ROBO2: variants seen among roughly 807,000 people sequenced by gnomAD.
ROBO2 encodes roundabout guidance receptor 2.
In ROBO2, 53 loss-of-function variants were observed where a neutral mutation model predicts 160.8. The ratio of observed to expected loss-of-function variants is 0.33; its 90% CI spans 0.26 to 0.41. ROBO2 has a LOEUF of 0.41. Among genes scored for constraint, ROBO2 ranks in the 10% least tolerant of loss-of-function variants. The pLI, the probability that ROBO2 is intolerant of heterozygous loss-of-function variation, is 1.00. For missense variants in ROBO2, 1,577 were observed against 1,722.4 expected (o/e 0.92, Z 1.49); for synonymous variants, 664 against 611.7 (o/e 1.09, Z -1.26).
intron 2 of ROBO2, among the ~76,000 whole-genome samples, chr3:76,689,639 T>C (rs2092758084): frequency 6.6e-6 from 1 of 152,164 alleles, no homozygotes; most frequent in South Asian, 2.1e-4. Context: ...GAAACCTTAA[T>C]AAACAATGAT....
chr3:76,404,482 A>T (rs1033599740), intron 2 of ROBO2, among the ~76,000 whole-genome samples: 1 of 151,570 alleles, frequency 6.6e-6, no homozygotes, highest in Non-Finnish European at 1.5e-5. Context: ...AACTGAGATT[A>T]GAGTTAGGAG....
At chr3:77,188,352 C>T (rs556173391) in intron 2 of ROBO2, among the ~76,000 whole-genome samples, 1 of 151,682 alleles carries the variant, frequency 6.6e-6, no homozygotes, top group South Asian at 2.1e-4. Flanking sequence ...CTACCTTTAC[C>T]CTAGAGAGTT....
In ROBO2 at chr3:76,986,875, A is replaced by G. The variant is rs538949262; in HGVS notation, c.110-111139A>G. Among the ~76,000 whole-genome samples, 4 of 146,606 alleles carry G rather than the reference A, an allele frequency of 2.7e-5. No individual in the cohort carries two copies. The East Asian group carries it at 8.0e-4, about 29-fold the overall frequency. ...AATCGATAGGGAATATAATAAGTAA[A>G]CCCCTAGGCTGAGACAAGATACAAC... On this transcript the variant is annotated intron_variant, in intron 2 of 26. Coordinates refer to the ROBO2 transcript ENST00000487694.
chr3:77,412,361 T>C (rs2076873937), intron 2 of ROBO2, among the ~76,000 whole-genome samples: 1 of 152,200 alleles, frequency 6.6e-6, no homozygotes, highest in Non-Finnish European at 1.5e-5. Context: ...AGCCAGTATA[T>C]CTAAGTGTGG....
Position 76,829,675 on chromosome 3 carries a change from C to CTT in ROBO2, c.110-268330_110-268329dup, listed in dbSNP as rs200612394. ...CTTTTCTTTCTTTTTTTTTCTTTTTCTTTTTTTTTTGAGATAGAGTTTCAC... is the reference window on the plus strand; with the variant it reads ...CTTTTCTTTCTTTTTTTTTCTTTTTCTTTTTTTTTTTTGAGATAGAGTTTCAC... On this transcript the variant is annotated intron_variant, in intron 2 of 26. Coordinates refer to the ROBO2 transcript ENST00000487694. Among the ~76,000 whole-genome samples, 14 of 130,786 alleles carry CTT rather than the reference C, an allele frequency of 1.1e-4. No individual in the cohort carries two copies. The East Asian group carries it at 1.5e-3, about 14-fold the overall frequency. The allele number at this position is 130,786 out of a possible 152,430, so 85.8% of individuals were successfully genotyped here.
chr3:76,141,077 A>ATATATATATAT (rs1553656028), intron 2 of ROBO2, among the ~76,000 whole-genome samples: 38 of 105,878 alleles, frequency 3.6e-4, no homozygotes, highest in South Asian at 6.4e-4. Flanking sequence ...ATATATATAT[A>ATATATATATAT]AAATATATGT....
intron 2 of ROBO2, among the ~76,000 whole-genome samples, chr3:76,406,077 T>A (rs1321235339): frequency 6.6e-6 from 1 of 151,788 alleles, no homozygotes; most frequent in East Asian, 1.9e-4. Context: ...GAATTATATT[T>A]ATTACACAAT....
intron 1 of ROBO2, among the ~76,000 whole-genome samples, chr3:77,057,542 G>GA (rs1375358460): frequency 6.7e-6 from 1 of 150,206 alleles, no homozygotes; most frequent in African/African-American, 2.4e-5. Flanking sequence ...TACTAATGTG[G>GA]AAGCTATACC....
At chr3:77,596,076 A>G (rs1473906905) in intron 18 of ROBO2, among the ~76,000 whole-genome samples, 4 of 152,098 alleles carry the variant, frequency 2.6e-5, no homozygotes, top group Non-Finnish European at 2.9e-5. Context: ...AACCCTTAAT[A>G]TACCCCTGAT....
chr3:77,471,656 T>G (rs1046488167), intron 2 of ROBO2, among the ~76,000 whole-genome samples: 4 of 152,158 alleles, frequency 2.6e-5, no homozygotes, highest in Admixed American at 6.6e-5. Flanking sequence ...AATAGACATA[T>G]TAACAGGAGA....
chr3:77,097,707 C>T (rs766542054), intron 1 of ROBO2, among the ~76,000 whole-genome samples: 1 of 152,086 alleles, frequency 6.6e-6, no homozygotes, highest in Non-Finnish European at 1.5e-5. Context: ...ATTAGTCTTA[C>T]TCATCTTAGT....
chr3:76,026,432 C>T (rs1576536247), intron 2 of ROBO2, among the ~76,000 whole-genome samples: 3 of 151,904 alleles, frequency 2.0e-5, no homozygotes, highest in Admixed American at 6.6e-5. Flanking sequence ...TCTCTATATA[C>T]ACTTTTTCTT....
intron 2 of ROBO2, among the ~76,000 whole-genome samples, chr3:76,530,436 G>A (rs539391273): frequency 3.6e-4 from 55 of 152,210 alleles, no homozygotes; most frequent in African/African-American, 1.3e-3. Flanking sequence ...AATTGCTCCC[G>A]CATCTCCAGC....
At chr3:77,459,619 A>G (rs1339285318) in intron 2 of ROBO2, among the ~76,000 whole-genome samples, 2 of 152,204 alleles carry the variant, frequency 1.3e-5, no homozygotes, top group Admixed American at 6.6e-5. Flanking sequence ...GAGGAATATG[A>G]TATGTGTGAT....
At position 76,539,281 on chromosome 3, in the gene ROBO2, C is replaced by T. The variant is rs142720630; in HGVS notation, c.110-558733C>T. On this transcript the variant is annotated intron_variant, in intron 2 of 26. Coordinates refer to the ROBO2 transcript ENST00000487694. ...AACCTGGAGGACAGCTTGATAGGTGCAGCAAACCACCATGGCACATGTGTA... is the reference window on the plus strand; with the variant it reads ...AACCTGGAGGACAGCTTGATAGGTGTAGCAAACCACCATGGCACATGTGTA... Among the ~76,000 whole-genome samples the T allele has an allele frequency of 3.4e-4, 51 of 151,652 alleles. No individual in the cohort carries two copies. The East Asian group carries it at 9.8e-3, about 29-fold the overall frequency.
chr3:76,033,533 CA>C (rs2066998360), intron 2 of ROBO2, among the ~76,000 whole-genome samples: 1 of 152,168 alleles, frequency 6.6e-6, no homozygotes, highest in Non-Finnish European at 1.5e-5. Context: ...CATGGTCTGC[CA>C]CTGGAATTTT....
At chr3:76,652,626 G>T (rs2091306238) in intron 2 of ROBO2, among the ~76,000 whole-genome samples, 1 of 152,066 alleles carries the variant, frequency 6.6e-6, no homozygotes, top group Non-Finnish European at 1.5e-5. Context: ...ATATCTTTAA[G>T]TCTTTATACT....
intron 2 of ROBO2, among the ~76,000 whole-genome samples, chr3:76,281,347 T>G (rs2107669575): frequency 6.6e-6 from 1 of 152,122 alleles, no homozygotes; most frequent in Middle Eastern, 3.4e-3. Context: ...TATATGGGTA[T>G]ATGCATGTTT....
At chr3:76,192,518 A>T (rs1286395738) in intron 2 of ROBO2, among the ~76,000 whole-genome samples, 10 of 136,186 alleles carry the variant, frequency 7.3e-5, no homozygotes, top group Admixed American at 2.4e-4. Context: ...TGCGTCCAAC[A>T]CTCCACCACA....
Sources: allele counts gnomAD v4.1 joint callset (sites outside exome capture counted in the v4.1 genomes callset), GRCh38; gene constraint gnomAD v4.1.1; transcripts MANE v1.5; gene names NCBI Gene and HGNC (gene_info 2026-07-23, HGNC 2026-07-21).